Variants in ADGRD1 observed in about 807,000 individuals in gnomAD.
ADGRD1 encodes adhesion G protein-coupled receptor D1, also known as G-protein coupled receptor 133.
In ADGRD1, 77 loss-of-function variants were observed where a neutral mutation model predicts 113.4. That is an observed-to-expected ratio of 0.68 (90% CI 0.57 to 0.82). The LOEUF is 0.82. ADGRD1 is among the 40% of genes least tolerant of loss of function. The pLI is 0.00. For missense variants in ADGRD1, 1,036 were observed against 1,139.1 expected (o/e 0.91, Z 1.30); for synonymous variants, 474 against 475.0 (o/e 1.00, Z 0.03).
At chr12:131,117,856 C>T (rs1223055660) in intron 18 of ADGRD1, among the ~76,000 whole-genome samples, 1 of 152,264 alleles carries the variant, frequency 6.6e-6, no homozygotes, top group African/African-American at 2.4e-5. Flanking sequence ...CGCTCTAGAA[C>T]AGGGCTTCTC....
At chr12:131,092,714 C>T (rs1593199422) in intron 15 of ADGRD1, among the ~76,000 whole-genome samples, 1 of 152,100 alleles carries the variant, frequency 6.6e-6, no homozygotes, top group Non-Finnish European at 1.5e-5. Flanking sequence ...GCTCCTGGGG[C>T]CTGGTGGTCA....
At chr12:130,999,370 G>T (rs1369752081) in intron 8 of ADGRD1, among the ~76,000 whole-genome samples, 3 of 152,200 alleles carry the variant, frequency 2.0e-5, no homozygotes, top group Non-Finnish European at 4.4e-5. Context: ...CCCTGCTCCG[G>T]CTCAGTGAAG....
chr12:131,121,164 G>A (rs1950583939), intron 20 of ADGRD1, among the ~76,000 whole-genome samples: 1 of 152,202 alleles, frequency 6.6e-6, no homozygotes, highest in South Asian at 2.1e-4. Flanking sequence ...GAGGCGGCAG[G>A]TGCAGGCACA....
At chr12:131,015,141 A>G (rs962526234) in intron 13 of ADGRD1, among the ~76,000 whole-genome samples, 1 of 152,382 alleles carries the variant, frequency 6.6e-6, no homozygotes, top group South Asian at 2.1e-4. Flanking sequence ...ACTCTGCTCT[A>G]TGGCCAAGGC....
chr12:131,012,301 GT>G (rs1032119305), intron 12 of ADGRD1, among the ~76,000 whole-genome samples: 6 of 147,074 alleles, frequency 4.1e-5, no homozygotes, highest in African/African-American at 1.5e-4. Flanking sequence ...TTAAGTTTGT[GT>G]TTTACTCCAT....
chr12:131,055,928 G>A (rs116746586), intron 13 of ADGRD1, among the ~76,000 whole-genome samples: 27 of 152,180 alleles, frequency 1.8e-4, no homozygotes, highest in African/African-American at 6.5e-4. Flanking sequence ...AAACATGACC[G>A]GTTATTATTA....
intron 20 of ADGRD1, among the ~76,000 whole-genome samples, chr12:131,130,755 G>T (rs186394845): frequency 2.4e-4 from 36 of 150,100 alleles, no homozygotes; most frequent in African/African-American, 6.3e-4. Context: ...CATCCCGTGC[G>T]GGGGGAGAGC....
intron 8 of ADGRD1, among the ~76,000 whole-genome samples, chr12:130,993,553 C>T (rs1027791198): frequency 1.3e-5 from 2 of 151,970 alleles, no homozygotes; most frequent in South Asian, 2.1e-4. Context: ...CGGGACTCAG[C>T]GGTCCTGGAG....
chr12:130,968,742 A>C, intron 3 of ADGRD1: 1 of 529,504 alleles, frequency 1.9e-6, no homozygotes, highest in Non-Finnish European at 3.3e-6. Flanking sequence ...CAAATTCAGC[A>C]GCCATCACGC....
In ADGRD1 at chr12:130,992,395, A is replaced by G. The variant is rs201152068; in HGVS notation, c.966+3A>G. ...AGACAGCCTTGAATCTCACCAAGGT[A>G]AGGCTATTTGATGTCTGTGTCTGGT... On this transcript the variant is annotated splice_donor_region_variant and intron_variant, in intron 8 of 24. Coordinates refer to ENST00000261654, the MANE Select transcript of ADGRD1 (RefSeq NM_198827.5). 1.2e-4 allele frequency: 194 copies of G among 1,611,244 alleles called. No homozygotes were observed. Among genetic ancestry groups the G allele is most frequent in the Non-Finnish European group, 1.5e-4 (176 of 1,178,850 alleles).
chr12:130,971,401 C>T lies in ADGRD1; in HGVS notation c.188-57C>T. The T allele has an allele frequency of 6.6e-7, 1 of 1,513,770 alleles. No individual in the cohort carries two copies. Among genetic ancestry groups the T allele is most frequent in the South Asian group, 1.2e-5 (1 of 83,368 alleles). The allele number at this position is 1,513,770 out of a possible 1,614,324, so 93.8% of individuals were successfully genotyped here. Reference sequence around the variant, plus strand: ...TATTTGTAGGTCTGACACACATCTTCAGACTTTTAATCTCGGAAGGTTATT... The same window carrying T: ...TATTTGTAGGTCTGACACACATCTTTAGACTTTTAATCTCGGAAGGTTATT... On this transcript the variant is annotated intron_variant, in intron 3 of 24. Transcript: ENST00000261654. This position sits in a 1 kb window ranked among gnomAD's most constrained non-coding sequence, Gnocchi z 4.2.
intron 13 of ADGRD1, among the ~76,000 whole-genome samples, chr12:131,045,188 C>T (rs944447580): frequency 6.6e-6 from 1 of 152,234 alleles, no homozygotes; most frequent in Non-Finnish European, 1.5e-5. Flanking sequence ...GTGGATGAGC[C>T]TGGCCCTCGT....
At chr12:131,061,215 T>A (rs1195065008) in intron 13 of ADGRD1, among the ~76,000 whole-genome samples, 2 of 152,188 alleles carry the variant, frequency 1.3e-5, no homozygotes, top group Non-Finnish European at 1.5e-5. Flanking sequence ...CCACCCCCAG[T>A]GACTCAGGCT....
At chr12:131,008,401 G>A (rs1257879750) in intron 12 of ADGRD1, among the ~76,000 whole-genome samples, 11 of 152,252 alleles carry the variant, frequency 7.2e-5, no homozygotes, top group Non-Finnish European at 1.6e-4. Flanking sequence ...GCAGTGTGTT[G>A]TGAGGATGAA....
chr12:131,110,694 A>G (rs771059004), intron 18 of ADGRD1, among the ~76,000 whole-genome samples: 2 of 152,044 alleles, frequency 1.3e-5, no homozygotes, highest in Non-Finnish European at 2.9e-5. Flanking sequence ...TTGAGTTTCC[A>G]TCTGGTGGTG....
At chr12:130,979,817 T>TCACACACACACACACACACACACACACA (rs10526212) in intron 4 of ADGRD1, among the ~76,000 whole-genome samples, 1 of 53,842 alleles carries the variant, frequency 1.9e-5, no homozygotes, top group Non-Finnish European at 6.4e-5. Context: ...AGCTAGTGTC[T>TCACACACACACACACACACACACACACA]CACACACACA....
chr12:131,137,180 G>A, intron 23 of ADGRD1, 166 bp downstream of exon 23: 1 of 657,634 alleles, frequency 1.5e-6, no homozygotes, highest in South Asian at 1.7e-5. Context: ...GCCTGCTGCT[G>A]AGCAGCTCTT....
At chr12:131,107,185 G>A (rs1308775008) in intron 17 of ADGRD1, among the ~76,000 whole-genome samples, 1 of 151,966 alleles carries the variant, frequency 6.6e-6, no homozygotes. Context: ...AGAGACCTGT[G>A]TCTGAATCCC....
chr12:131,043,690 G>A (rs929440989), intron 13 of ADGRD1, among the ~76,000 whole-genome samples: 1 of 152,248 alleles, frequency 6.6e-6, no homozygotes, highest in Admixed American at 6.5e-5. Flanking sequence ...CGCACACAGG[G>A]CCACACGGGG....
Sources: gnomAD v4.1 joint callset for allele counts (sites outside exome capture counted in the v4.1 genomes callset) on GRCh38, gnomAD v4.1.1 for gene constraint, Gnocchi (gnomAD v3.1) non-coding constraint, MANE v1.5 for transcripts, NCBI Gene and HGNC (gene_info 2026-07-23, HGNC 2026-07-21) for gene names.